PRELID2: variants seen among roughly 807,000 people sequenced by gnomAD.
The protein encoded by PRELID2 is PRELI domain-containing protein 2.
Under a neutral mutation model 28.4 loss-of-function variants are expected in PRELID2, and 25 were observed. That is an observed-to-expected ratio of 0.88 (90% confidence interval 0.64 to 1.23). PRELID2 has a LOEUF of 1.23. Ranked by LOEUF, PRELID2 falls within the 50% of genes most tolerant of loss-of-function variation. The probability of loss-of-function intolerance (pLI) is 0.00; values close to 1 mark genes in which losing one functional copy is unlikely to be tolerated. For missense variants in PRELID2, 201 were observed against 214.4 expected, an observed-to-expected ratio of 0.94 and a Z score of 0.39; for synonymous variants, 76 against 71.6, an observed-to-expected ratio of 1.06 and a Z score of -0.31.
the PRELID2 span, among the ~76,000 whole-genome samples, chr5:145,413,526 T>C: frequency 1.2e-3 from 186 of 152,180 alleles, 2 homozygotes; most frequent in East Asian, 0.023. Flanking sequence ...TACTTTCATA[T>C]GCATGTTGAT....
Position 145,757,178 on chromosome 5 carries a change from A to G in PRELID2, c.*3358T>C, listed in dbSNP as rs1757282792. Reference sequence around the variant, plus strand: ...CAATGTCTGATAAACAAGTATCAGTACATATATACTGCTTATAAAATACAC... The same window carrying G: ...CAATGTCTGATAAACAAGTATCAGTGCATATATACTGCTTATAAAATACAC... On this transcript the variant is annotated 3_prime_UTR_variant, in exon 7 of 7. Transcript: ENST00000683046. Among the ~76,000 whole-genome samples, 1 of 152,244 alleles carries G rather than the reference A, an allele frequency of 6.6e-6. No individual in the cohort carries two copies. Among genetic ancestry groups the G allele is most frequent in the Non-Finnish European group, 1.5e-5 (1 of 68,044 alleles).
At chr5:145,381,310 A>G in the PRELID2 span, among the ~76,000 whole-genome samples, 2 of 152,168 alleles carry the variant, frequency 1.3e-5, no homozygotes, top group Admixed American at 6.6e-5. Context: ...ACTTTCAGAG[A>G]GGCTTGAAAA....
intron 1 of PRELID2, among the ~76,000 whole-genome samples, chr5:145,544,914 T>A (rs1337830636): frequency 6.6e-6 from 1 of 152,118 alleles, no homozygotes; most frequent in East Asian, 1.9e-4. Flanking sequence ...TGACAAAGTA[T>A]CCTCAACAAA....
rs1239769534 is a variant in PRELID2, at chr5:145,759,546, C to T, written c.*990G>A. The T allele has an allele frequency of 1.3e-5, 2 of 152,214 alleles. No individual in the cohort carries two copies. Among genetic ancestry groups the T allele is most frequent in the African/African-American group, 4.8e-5 (2 of 41,468 alleles). 9.4% of individuals were successfully genotyped at this position (152,214 alleles called of 1,614,324 possible). Reference sequence around the variant, plus strand: ...GGCAGTGTGCTAGGTACTTCATAGGCATGATCTCAAATCAGTCCAACAATC... The same window carrying T: ...GGCAGTGTGCTAGGTACTTCATAGGTATGATCTCAAATCAGTCCAACAATC... On this transcript the variant is annotated 3_prime_UTR_variant, in exon 7 of 7. Transcript: ENST00000683046.
the PRELID2 span, among the ~76,000 whole-genome samples, chr5:145,341,674 A>C: frequency 1.3e-5 from 2 of 152,228 alleles, no homozygotes; most frequent in South Asian, 4.1e-4. Context: ...AAAGAACTTG[A>C]AGACAGATTT....
At chr5:145,451,284 C>T in the PRELID2 span, among the ~76,000 whole-genome samples, 1 of 152,148 alleles carries the variant, frequency 6.6e-6, no homozygotes, top group African/African-American at 2.4e-5. Context: ...CCTCACCACT[C>T]CAACCCCCTA....
At chr5:145,236,028 G>A in the PRELID2 span, among the ~76,000 whole-genome samples, 6 of 152,094 alleles carry the variant, frequency 3.9e-5, no homozygotes, top group African/African-American at 1.4e-4. Context: ...ACTTGAATGA[G>A]TTGCTAGAAG....
intron 4 of PRELID2, among the ~76,000 whole-genome samples, chr5:145,809,338 G>A (rs560760541): frequency 1.3e-5 from 2 of 151,322 alleles, no homozygotes; most frequent in African/African-American, 2.4e-5. Flanking sequence ...CACCGTGCCC[G>A]GCCCCTTCAT....
the PRELID2 span, among the ~76,000 whole-genome samples, chr5:145,348,549 A>G: frequency 1.3e-5 from 2 of 152,124 alleles, no homozygotes; most frequent in Non-Finnish European, 2.9e-5. Flanking sequence ...TAATGCAATA[A>G]ATTCTTAATA....
chr5:145,375,473 C>T, the PRELID2 span, among the ~76,000 whole-genome samples: 1 of 152,218 alleles, frequency 6.6e-6, no homozygotes, highest in Admixed American at 6.5e-5. Context: ...GGGAATAGGA[C>T]CCGTTTAACG....
At chr5:145,262,252 C>A in the PRELID2 span, among the ~76,000 whole-genome samples, 2 of 151,926 alleles carry the variant, frequency 1.3e-5, no homozygotes, top group East Asian at 1.9e-4. Context: ...GAAGAGAAAT[C>A]TAAGTTTGGA....
chr5:145,314,412 A>T, the PRELID2 span, among the ~76,000 whole-genome samples: 1 of 152,224 alleles, frequency 6.6e-6, no homozygotes, highest in Non-Finnish European at 1.5e-5. Context: ...AAACAGAAAG[A>T]GCAAAGTCTG....
the PRELID2 span, among the ~76,000 whole-genome samples, chr5:145,326,146 A>G: frequency 1.2e-3 from 184 of 152,270 alleles, no homozygotes; most frequent in African/African-American, 4.1e-3. Context: ...CTAGGACTAC[A>G]GGCATGTGCC....
At chr5:145,356,015 C>T in the PRELID2 span, among the ~76,000 whole-genome samples, 1 of 152,054 alleles carries the variant, frequency 6.6e-6, no homozygotes, top group Non-Finnish European at 1.5e-5. Context: ...AATAAGAGTA[C>T]TACAGTTTTG....
At chr5:145,524,034 GT>G (rs1272154585) in intron 1 of PRELID2, among the ~76,000 whole-genome samples, 1 of 151,828 alleles carries the variant, frequency 6.6e-6, no homozygotes, top group East Asian at 1.9e-4. Context: ...GGATTTTTTT[GT>G]TTTTCAGGGG....
At chr5:145,724,089 T>G (rs906946957) in intron 1 of PRELID2, among the ~76,000 whole-genome samples, 6 of 152,134 alleles carry the variant, frequency 3.9e-5, no homozygotes, top group Admixed American at 2.6e-4. Context: ...AAATGCAACA[T>G]GCAAATATAC....
chr5:145,810,751 C>T (rs1339501318), intron 4 of PRELID2, among the ~76,000 whole-genome samples: 2 of 152,122 alleles, frequency 1.3e-5, no homozygotes, highest in African/African-American at 4.8e-5. Flanking sequence ...TTTAAGCTTT[C>T]TCTATGTACG....
At chr5:145,383,090 C>T in the PRELID2 span, among the ~76,000 whole-genome samples, 1 of 151,422 alleles carries the variant, frequency 6.6e-6, no homozygotes. Flanking sequence ...TTTCAATCAA[C>T]TTCCCAATAA....
chr5:145,740,421 A>T (rs1323785413), intron 1 of PRELID2, among the ~76,000 whole-genome samples: 1 of 139,830 alleles, frequency 7.2e-6, no homozygotes, highest in Non-Finnish European at 1.5e-5. Flanking sequence ...ATAGGTGGTG[A>T]CTACAAAACG....
Sources: gnomAD v4.1 joint callset for allele counts (sites outside exome capture counted in the v4.1 genomes callset) on GRCh38, gnomAD v4.1.1 for gene constraint, MANE v1.5 for transcripts, NCBI Gene and HGNC (gene_info 2026-07-23, HGNC 2026-07-21) for gene names.